GLG1: variants seen among roughly 807,000 people sequenced by gnomAD.
The protein encoded by GLG1 is golgi glycoprotein 1, also known as Golgi apparatus protein 1.
GLG1 carries 38 observed loss-of-function variants against 160.5 expected under a neutral mutation model. The ratio of observed to expected loss-of-function variants is 0.24; its 90% CI spans 0.18 to 0.31. The LOEUF is 0.31. Among genes scored for constraint, GLG1 ranks in the 10% least tolerant of loss-of-function variants. GLG1 has a pLI of 1.00. For synonymous variants in GLG1, 644 were observed against 543.4 expected (o/e 1.19, Z -2.57); for missense variants, 1,373 against 1,505.2 (o/e 0.91, Z 1.45).
At position 74,453,450 on chromosome 16, in the gene GLG1, G is replaced by C. The variant is rs1421563494; in HGVS notation, c.3373-116C>G. The C allele has an allele frequency of 2.6e-5, 17 of 647,158 alleles. 1 individual carries two copies. The East Asian group carries it at 4.7e-4, about 18-fold the overall frequency. 40.1% of individuals were successfully genotyped at this position (647,158 alleles called of 1,614,324 possible). On this transcript the variant is annotated intron_variant, in intron 25 of 25. Coordinates refer to ENST00000422840, the MANE Select transcript of GLG1 (RefSeq NM_001145667.2). ...AATTTATGTCTTTTCTTTTGGAGAG[G>C]GAGGGCAGGAGATAAGAAAAATCAA... is the stretch of plus-strand genomic sequence containing the variant.
intron 22 of GLG1, 65 bp from the exon 23 acceptor site, chr16:74,459,854 CTTT>C (rs71158515): frequency 1.2e-5 from 8 of 642,942 alleles, no homozygotes; most frequent in African/African-American, 5.9e-5. Context: ...ACAGTTTCTT[CTTT>C]TTTTTTTTTA....
chr16:74,533,239 T>G (rs71391093), intron 1 of GLG1, among the ~76,000 whole-genome samples: 35 of 152,188 alleles, frequency 2.3e-4, no homozygotes, highest in South Asian at 8.3e-4. Flanking sequence ...GAGAATCGCA[T>G]GAACCCGGGA....
rs573466041 is a variant in GLG1 at position 74,490,976 on chromosome 16, A to C, written c.1449+25T>G. 11 of 1,534,758 alleles carry C rather than the reference A, an allele frequency of 7.2e-6. No individual in the cohort carries two copies. The South Asian group carries it at 1.0e-4, about 14-fold the overall frequency. On this transcript the variant is annotated intron_variant, in intron 8 of 25. Transcript: ENST00000422840. ...TTCAGCTGATAAATGTGACATTCAA[A>C]ATGGCAATAGCAATGTCTCCTTACC... is the stretch of plus-strand genomic sequence containing the variant.
At chr16:74,575,102 C>T (rs1481846408) in intron 1 of GLG1, among the ~76,000 whole-genome samples, 1 of 132,880 alleles carries the variant, frequency 7.5e-6, no homozygotes, top group African/African-American at 2.8e-5. Flanking sequence ...CAAAAATTAG[C>T]TGGGCATGAT....
chr16:74,451,293 C>G lies in GLG1; in HGVS notation c.*1874G>C, dbSNP rs2014291116. Reference sequence around the variant, plus strand: ...AATCAGGAAGACCCTACAAGCAGGACCGAGGGGACTAAGCAGCTTAGCAGC... The same window carrying G: ...AATCAGGAAGACCCTACAAGCAGGAGCGAGGGGACTAAGCAGCTTAGCAGC... On this transcript the variant is annotated 3_prime_UTR_variant, in exon 26 of 26. Transcript: ENST00000422840. 6.6e-6 allele frequency: 1 copy of G among 152,178 alleles called. No individual in the cohort carries two copies. The highest frequency in any genetic ancestry group is 6.5e-5 in the Admixed American group (1 of 15,272). The allele number at this position is 152,178 out of a possible 1,614,324, so 9.4% of individuals were successfully genotyped here. A position where few individuals can be genotyped will look rare whatever the true frequency, so the allele number is the denominator to read the frequency against.
chr16:74,534,751 G>A lies in GLG1; in HGVS notation c.439-2598C>T, dbSNP rs185387321. Among the ~76,000 whole-genome samples, 393 of 152,062 alleles carry A rather than the reference G, an allele frequency of 2.6e-3. 4 individuals carry two copies. The highest frequency in any genetic ancestry group is 9.0e-3 in the African/African-American group (374 of 41,458). ...CCTGCTATAAACTGAGTATACACCCGGCTCCGCTGACGTTGAGCAAATCAA... is the reference window on the plus strand; with the variant it reads ...CCTGCTATAAACTGAGTATACACCCAGCTCCGCTGACGTTGAGCAAATCAA... On this transcript the variant is annotated intron_variant, in intron 1 of 25. Transcript: ENST00000422840.
At chr16:74,491,781 G>T (rs1455385409) in intron 7 of GLG1, among the ~76,000 whole-genome samples, 1 of 151,552 alleles carries the variant, frequency 6.6e-6, no homozygotes, top group Non-Finnish European at 1.5e-5. Context: ...TGGGACTACA[G>T]GCGCCTGCCA....
At chr16:74,473,211 C>G (rs8061793) in intron 13 of GLG1, among the ~76,000 whole-genome samples, 37,655 of 148,854 alleles carry the variant, frequency 0.25, 4,839 homozygotes, top group East Asian at 0.35. Flanking sequence ...TCTAATCCCC[C>G]TTTTTTTTTT....
chr16:74,562,426 T>C (rs1421394724), intron 1 of GLG1, among the ~76,000 whole-genome samples: 1 of 152,236 alleles, frequency 6.6e-6, no homozygotes, highest in Admixed American at 6.5e-5. Context: ...TAATGCATTA[T>C]ACCAAAGTGT....
chr16:74,490,837 T>C (rs1018953135), intron 8 of GLG1, among the ~76,000 whole-genome samples, 164 bp downstream of exon 8: 2 of 152,234 alleles, frequency 1.3e-5, no homozygotes, highest in African/African-American at 4.8e-5. Context: ...ACATTCTTAC[T>C]AAGATATGCC....
rs921311305 is a variant in GLG1, at chr16:74,452,541, G to A, written c.*626C>T. ...CTGATTAGGGTGGAAACTGGAAAGC[G>A]TCACTGTCTCAGCAGAAGAAAGCAG... On this transcript the variant is annotated 3_prime_UTR_variant, in exon 26 of 26. Coordinates refer to ENST00000422840, the MANE Select transcript of GLG1 (RefSeq NM_001145667.2). The A allele has an allele frequency of 5.2e-5, 53 of 1,012,854 alleles. No homozygotes were observed. The highest frequency in any genetic ancestry group is 2.2e-4 in the African/African-American group (13 of 58,672). The allele number at this position is 1,012,854 out of a possible 1,614,324, so 62.7% of individuals were successfully genotyped here.
intron 13 of GLG1, 184 bp from the exon 14 acceptor site, chr16:74,472,595 C>G: frequency 6.7e-7 from 1 of 1,485,944 alleles, no homozygotes; most frequent in South Asian, 1.2e-5. Context: ...CTCCGTTATA[C>G]TTTGAAAGGC....
chr16:74,518,229 C>T (rs8046036), intron 2 of GLG1, among the ~76,000 whole-genome samples: 13,464 of 152,150 alleles, frequency 0.088, 913 homozygotes, highest in Admixed American at 0.2. Flanking sequence ...CAAAAAAGAG[C>T]TAGCATAGCC....
intron 2 of GLG1, among the ~76,000 whole-genome samples, chr16:74,525,918 G>A (rs945659961): frequency 6.6e-6 from 1 of 152,182 alleles, no homozygotes. Flanking sequence ...CACTTTGGGA[G>A]GCTGAGGCAG....
At chr16:74,469,368 C>T (rs990832163) in intron 16 of GLG1, 2 of 379,686 alleles carry the variant, frequency 5.3e-6, no homozygotes, top group Non-Finnish European at 9.8e-6. Flanking sequence ...CAGAGGAATG[C>T]TGCTCTTAAC....
At chr16:74,484,717 G>C (rs530346160) in intron 9 of GLG1, among the ~76,000 whole-genome samples, 3 of 151,800 alleles carry the variant, frequency 2.0e-5, no homozygotes, top group African/African-American at 7.3e-5. Flanking sequence ...CACTAAGCGA[G>C]ATTGCGCCAC....
chr16:74,490,460 G>A (rs1366799596), intron 8 of GLG1, among the ~76,000 whole-genome samples: 2 of 152,168 alleles, frequency 1.3e-5, no homozygotes, highest in African/African-American at 4.8e-5. Context: ...AGTTGCCCTA[G>A]TATATGAAGA....
In GLG1 at chr16:74,567,173, GTT is replaced by G. The variant is rs1224735464; in HGVS notation, c.439-35022_439-35021del. Among the ~76,000 whole-genome samples the G allele has an allele frequency of 7.9e-5, 12 of 151,930 alleles. No homozygotes were observed. The East Asian group carries it at 2.3e-3, about 30-fold the overall frequency. On this transcript the variant is annotated intron_variant, in intron 1 of 25. Coordinates refer to ENST00000422840, the MANE Select transcript of GLG1 (RefSeq NM_001145667.2). ...ATTACATGTAATTGTGTGTGTGTGT[GTT>G]GTGTGTGGGGGGTGTAGGGAGCGGG...
intron 1 of GLG1, among the ~76,000 whole-genome samples, chr16:74,542,719 A>AGGGAGGG (rs1567513862): frequency 0.025 from 719 of 29,004 alleles, 69 homozygotes; most frequent in Non-Finnish European, 0.034. Context: ...GGAAGAAGGG[A>AGGGAGGG]AGGAAGGAAG....
Sources: gnomAD v4.1 joint callset for allele counts (sites outside exome capture counted in the v4.1 genomes callset) on GRCh38, gnomAD v4.1.1 for gene constraint, MANE v1.5 for transcripts, NCBI Gene and HGNC (gene_info 2026-07-23, HGNC 2026-07-21) for gene names.